CRISPLD1: variants seen among roughly 807,000 people sequenced by gnomAD.
The protein encoded by CRISPLD1 is cysteine rich secretory protein LCCL domain containing 1, also known as cysteine-rich secretory protein LCCL domain-containing 1.
CRISPLD1 carries 60 observed loss-of-function variants against 77.5 expected under a neutral mutation model. That is an observed-to-expected ratio of 0.77 (90% CI 0.63 to 0.96). The LOEUF (loss-of-function observed/expected upper bound fraction) is 0.96. Among genes scored for constraint, CRISPLD1 ranks in the 40% least tolerant of loss-of-function variants. The probability of loss-of-function intolerance (pLI) is 0.00; values close to 1 mark genes in which losing one functional copy is unlikely to be tolerated. For missense variants in CRISPLD1, 623 were observed against 615.8 expected (o/e 1.01, Z -0.12); for synonymous variants, 195 against 200.1 (o/e 0.97, Z 0.22).
At chr8:75,030,768 GTA>G (rs201188186) in intron 14 of CRISPLD1, among the ~76,000 whole-genome samples, 1,344 of 134,174 alleles carry the variant, frequency 0.01, 10 homozygotes, top group Non-Finnish European at 0.017. Flanking sequence ...GTGTGTATAT[GTA>G]TATGTGTGTG....
intron 14 of CRISPLD1, among the ~76,000 whole-genome samples, chr8:75,030,510 AGATTT>A (rs923002863): frequency 6.6e-6 from 1 of 152,144 alleles, no homozygotes; most frequent in African/African-American, 2.4e-5. Flanking sequence ...CGTAATTCTT[AGATTT>A]ATTTTAAAAC....
In CRISPLD1 at chr8:75,006,986, TTAA is replaced by T. The variant is rs549009876; in HGVS notation, c.259-5445_259-5443del. Among the ~76,000 whole-genome samples, 36 of 152,304 alleles carry T rather than the reference TTAA, an allele frequency of 2.4e-4. No individual in the cohort carries two copies. The East Asian group carries it at 6.6e-3, about 28-fold the overall frequency. On this transcript the variant is annotated intron_variant, in intron 2 of 14. Coordinates refer to ENST00000262207, the MANE Select transcript of CRISPLD1 (RefSeq NM_031461.6). ...TTAACATTAGATCTTCTTTGTGAAATTAATGTTTGATATTTATTTGAAAAATAA... is the reference window on the plus strand; with the variant it reads ...TTAACATTAGATCTTCTTTGTGAAATTGTTTGATATTTATTTGAAAAATAA...
chr8:75,024,601 A>G (rs1396323539), intron 12 of CRISPLD1, among the ~76,000 whole-genome samples: 11 of 152,186 alleles, frequency 7.2e-5, no homozygotes, highest in Admixed American at 6.5e-4. Flanking sequence ...CTGGGATTAC[A>G]GGCATGAGCC....
At chr8:75,020,979 A>G (rs1181940344) in intron 12 of CRISPLD1, among the ~76,000 whole-genome samples, 3 of 152,222 alleles carry the variant, frequency 2.0e-5, no homozygotes, top group Non-Finnish European at 2.9e-5. Flanking sequence ...GTAGCTAGGA[A>G]AAATAAAGTA....
rs141492628 is a variant in CRISPLD1, at chr8:74,995,601, A to C, written c.258+9356A>C. ...GCCATCCTTCTACTTCAGCCTCCTG[A>C]GTAGCTGTGACTACAGCAATGTGCC... On this transcript the variant is annotated intron_variant, in intron 2 of 14. Coordinates refer to ENST00000262207, the MANE Select transcript of CRISPLD1 (RefSeq NM_031461.6). 5.3e-5 allele frequency among the ~76,000 whole-genome samples: 8 copies of C among 152,308 alleles called. No individual in the cohort carries two copies. In the South Asian group the frequency reaches 1.4e-3, roughly 28 times the overall value.
At chr8:75,007,663 CTTTTTTTTTTT>C (rs34289550) in intron 2 of CRISPLD1, among the ~76,000 whole-genome samples, 1,330 of 89,370 alleles carry the variant, frequency 0.015, 36 homozygotes, top group African/African-American at 0.059. Flanking sequence ...GAACCATCGA[CTTTTTTTTTTT>C]TTTTTTTTTT....
chr8:74,991,554 ACTCC>A (rs1812573500), intron 2 of CRISPLD1, among the ~76,000 whole-genome samples: 4 of 151,748 alleles, frequency 2.6e-5, no homozygotes, highest in Non-Finnish European at 5.9e-5. Flanking sequence ...GATGGGCATA[ACTCC>A]TTATGCCCTT....
intron 8 of CRISPLD1, 45 bp from the exon 9 acceptor site, chr8:75,017,002 G>A (rs1813042285): frequency 6.4e-7 from 1 of 1,571,760 alleles, no homozygotes. Context: ...ATTTTGTACT[G>A]ACATTCAGAG....
intron 2 of CRISPLD1, among the ~76,000 whole-genome samples, chr8:75,007,073 C>G (rs1436582131): frequency 2.0e-5 from 3 of 152,074 alleles, no homozygotes; most frequent in Non-Finnish European, 4.4e-5. Flanking sequence ...AGAAAATACT[C>G]TCTTCAGACA....
intron 4 of CRISPLD1, among the ~76,000 whole-genome samples, 185 bp downstream of exon 4, chr8:75,013,207 A>G (rs1036909375): frequency 3.9e-5 from 6 of 152,132 alleles, no homozygotes; most frequent in Non-Finnish European, 7.4e-5. Context: ...CACACAAAAA[A>G]GTCCAAACAT....
rs1318524764 is a variant in CRISPLD1, at chr8:75,033,877, A to T, written c.*1635A>T. The T allele has an allele frequency of 1.3e-5, 2 of 152,048 alleles. No individual in the cohort carries two copies. Among genetic ancestry groups the T allele is most frequent in the Non-Finnish European group, 2.9e-5 (2 of 67,922 alleles). The allele number at this position is 152,048 out of a possible 1,614,324, so 9.4% of individuals were successfully genotyped here. A position where few individuals can be genotyped will look rare whatever the true frequency, so the allele number is the denominator to read the frequency against. On this transcript the variant is annotated 3_prime_UTR_variant, in exon 15 of 15. Transcript: ENST00000262207. ...AAACTTAAAAGCAGATTTTTATGGG[A>T]ACTTTTTTCGAAAGGATACATGACC...
rs1229549418 is a variant in CRISPLD1, at chr8:75,014,003, G to A, written c.527G>A (p.Ser176Asn). The change falls in exon 5 of 15, where the codon AGT (serine) becomes AAT (asparagine). Residue 176 changes from serine to asparagine, a missense_variant. Physicochemically the swap from Ser to Asn is conservative, Grantham distance 46. Transcript: ENST00000262207. Reference protein sequence around the residue: ...THYTQVVWATSNRIGCAINLC... With the variant: ...THYTQVVWATNNRIGCAINLC... ...CTAACATAGGTCGTGTGGGCAACTA[G>A]TAACAGAATCGGTTGTGCCATTAAT... 3 of 1,612,640 alleles carry A rather than the reference G, an allele frequency of 1.9e-6. No homozygotes were observed. The highest frequency in any genetic ancestry group is 1.7e-6 in the Non-Finnish European group (2 of 1,179,088).
At chr8:75,013,938 TATTTC>T (rs761628015) in intron 4 of CRISPLD1, 44 bp from the exon 5 acceptor site, 83 of 1,202,328 alleles carry the variant, frequency 6.9e-5, no homozygotes, top group Non-Finnish European at 9.3e-5. Flanking sequence ...AGTGTTGTCC[TATTTC>T]ATTTCAGCCT....
chr8:75,009,823 T>C (rs1239731486), intron 2 of CRISPLD1, among the ~76,000 whole-genome samples: 1 of 152,126 alleles, frequency 6.6e-6, no homozygotes, highest in Non-Finnish European at 1.5e-5. Flanking sequence ...AAATTCAGTG[T>C]TTCTTACTTA....
intron 2 of CRISPLD1, among the ~76,000 whole-genome samples, chr8:74,997,251 AGG>A (rs1268215947): frequency 1.3e-5 from 2 of 152,108 alleles, no homozygotes; most frequent in Non-Finnish European, 2.9e-5. Context: ...TCAGGGTGAT[AGG>A]GGTAAAGATG....
intron 2 of CRISPLD1, among the ~76,000 whole-genome samples, chr8:75,001,411 G>A (rs1812738827): frequency 6.6e-6 from 1 of 152,114 alleles, no homozygotes; most frequent in African/African-American, 2.4e-5. Context: ...GGATCTTCCA[G>A]GAGATACAGT....
intron 12 of CRISPLD1, 30 bp downstream of exon 12, chr8:75,020,109 G>A: frequency 1.3e-6 from 2 of 1,577,592 alleles, no homozygotes; most frequent in Admixed American, 1.7e-5. Context: ...GGGGGCTTTG[G>A]CCCTGTGATA....
chr8:75,006,154 T>G (rs1812827346), intron 2 of CRISPLD1, among the ~76,000 whole-genome samples: 1 of 152,174 alleles, frequency 6.6e-6, no homozygotes, highest in Non-Finnish European at 1.5e-5. Context: ...TAACCCCCAC[T>G]TATAAGTGAG....
At chr8:75,019,738 A>G (rs1813099510) in intron 10 of CRISPLD1, 132 bp from the exon 11 acceptor site, 1 of 669,196 alleles carries the variant, frequency 1.5e-6, no homozygotes, top group Non-Finnish European at 2.6e-6. Context: ...GTATTCTTAT[A>G]TTGCTACTTG....
Sources: allele counts gnomAD v4.1 joint callset (sites outside exome capture counted in the v4.1 genomes callset), GRCh38; gene constraint gnomAD v4.1.1; transcripts MANE v1.5; gene names NCBI Gene and HGNC (gene_info 2026-07-23, HGNC 2026-07-21).